Variants in GRB2 observed in about 807,000 individuals in gnomAD.
GRB2 encodes growth factor receptor bound protein 2, also known as growth factor receptor-bound protein 2.
A neutral mutation model predicts 27.4 loss-of-function variants in GRB2; 2 were observed. That is an observed-to-expected ratio of 0.07 (90% CI 0.03 to 0.23). The LOEUF is 0.23. Ranked by LOEUF, GRB2 falls within the 10% of genes least tolerant of loss-of-function variation. The pLI is 1.00. For synonymous variants in GRB2, 94 were observed against 99.6 expected (o/e 0.94, Z 0.33); for missense variants, 102 against 282.4 (o/e 0.36, Z 4.58).
chr17:75,336,807 G>A (rs903192404), intron 2 of GRB2, among the ~76,000 whole-genome samples: 1 of 151,932 alleles, frequency 6.6e-6, no homozygotes, highest in Non-Finnish European at 1.5e-5. Flanking sequence ...GCATGATCTC[G>A]GCTCACTGCA....
At chr17:75,404,552 T>C (rs1286861893) in intron 1 of GRB2, among the ~76,000 whole-genome samples, 2 of 51,776 alleles carry the variant, frequency 3.9e-5, no homozygotes, top group African/African-American at 1.7e-4. Flanking sequence ...AAGGGGGGGG[T>C]GGGGGGAGGA....
At chr17:75,366,043 A>G (rs2078816884) in intron 2 of GRB2, among the ~76,000 whole-genome samples, 1 of 152,162 alleles carries the variant, frequency 6.6e-6, no homozygotes, top group Non-Finnish European at 1.5e-5. Flanking sequence ...GCATTATTTT[A>G]ATAGCGGGAG....
chr17:75,358,253 GC>G (rs946187330), intron 2 of GRB2, among the ~76,000 whole-genome samples: 5 of 152,042 alleles, frequency 3.3e-5, no homozygotes, highest in Non-Finnish European at 7.4e-5. Context: ...GTGGCCACAA[GC>G]CCTGTTAAAA....
Position 75,393,635 on chromosome 17 carries a change from C to G in GRB2, c.-7G>C. 6.2e-7 allele frequency: 1 copy of G among 1,612,910 alleles called. No individual in the cohort carries two copies. Among genetic ancestry groups the G allele is most frequent in the Non-Finnish European group, 8.5e-7 (1 of 1,178,926 alleles). ...ATTTGGCGATGGCTTCCATTCTGAGCGCTGCTCAGTGCTCAGCAGCCTGAA... is the reference window on the plus strand; with the variant it reads ...ATTTGGCGATGGCTTCCATTCTGAGGGCTGCTCAGTGCTCAGCAGCCTGAA... On this transcript the variant is annotated 5_prime_UTR_variant, in exon 2 of 6. Transcript: ENST00000316804.
chr17:75,339,491 A>C (rs2078605999), intron 2 of GRB2, among the ~76,000 whole-genome samples: 1 of 151,946 alleles, frequency 6.6e-6, no homozygotes, highest in South Asian at 2.1e-4. Flanking sequence ...ATATATATGT[A>C]CAAGTCAATG....
At chr17:75,356,130 G>A (rs1226248819) in intron 2 of GRB2, among the ~76,000 whole-genome samples, 4 of 149,602 alleles carry the variant, frequency 2.7e-5, no homozygotes, top group Admixed American at 6.6e-5. Context: ...CACCGCACCT[G>A]GCCCTATCTA....
intron 2 of GRB2, chr17:75,387,451 T>TAAAAAAAAAA: frequency 7.3e-6 from 1 of 137,472 alleles, no homozygotes. Context: ...GACTCTGTCT[T>TAAAAAAAAAA]AAAAAAAAAA....
At chr17:75,351,911 C>T (rs754361485) in intron 2 of GRB2, among the ~76,000 whole-genome samples, 6 of 152,152 alleles carry the variant, frequency 3.9e-5, no homozygotes, top group African/African-American at 1.4e-4. Flanking sequence ...TCACTTATCA[C>T]GTATAGTTAC....
Position 75,373,948 on chromosome 17 carries a change from C to G in GRB2, c.78+19603G>C, listed in dbSNP as rs146800787. Among the ~76,000 whole-genome samples, 1,428 of 151,856 alleles carry G rather than the reference C, an allele frequency of 9.4e-3. 28 individuals carry two copies. The highest frequency in any genetic ancestry group is 0.048 in the South Asian group (231 of 4,810). Reference sequence around the variant, plus strand: ...AGCTGGGACTACAGGCGCCCGCCACCATGCCCGGCTAATTTTTTTTGCATT... The same window carrying G: ...AGCTGGGACTACAGGCGCCCGCCACGATGCCCGGCTAATTTTTTTTGCATT... On this transcript the variant is annotated intron_variant, in intron 2 of 5. Coordinates refer to ENST00000316804, the MANE Select transcript of GRB2 (RefSeq NM_002086.5).
At chr17:75,369,007 T>C in intron 2 of GRB2, among the ~76,000 whole-genome samples, 1 of 152,134 alleles carries the variant, frequency 6.6e-6, no homozygotes, top group Non-Finnish European at 1.5e-5. Flanking sequence ...ATTTTTCCAG[T>C]GAGGAAATTG....
intron 1 of GRB2, among the ~76,000 whole-genome samples, chr17:75,394,544 A>C (rs1344032672): frequency 6.6e-6 from 1 of 152,178 alleles, no homozygotes; most frequent in African/African-American, 2.4e-5. Context: ...TGGGGTCCCC[A>C]CCAGGAATGA....
At chr17:75,349,369 C>T in intron 2 of GRB2, among the ~76,000 whole-genome samples, 1 of 152,286 alleles carries the variant, frequency 6.6e-6, no homozygotes, top group South Asian at 2.1e-4. Context: ...ACAGATAAGA[C>T]AAGCTGTCCT....
At chr17:75,376,940 T>C (rs2078897728) in intron 2 of GRB2, among the ~76,000 whole-genome samples, 1 of 151,814 alleles carries the variant, frequency 6.6e-6, no homozygotes, top group African/African-American at 2.4e-5. Context: ...GAGCCTGGAA[T>C]GTTGGGGCTG....
At chr17:75,365,326 C>T (rs549636071) in intron 2 of GRB2, among the ~76,000 whole-genome samples, 33 of 152,260 alleles carry the variant, frequency 2.2e-4, no homozygotes, top group African/African-American at 7.5e-4. Context: ...AACCCCGAAA[C>T]CTCTAAATTA....
intron 2 of GRB2, among the ~76,000 whole-genome samples, chr17:75,392,672 C>T (rs984950056): frequency 6.6e-6 from 1 of 152,170 alleles, no homozygotes; most frequent in African/African-American, 2.4e-5. Flanking sequence ...ACAGGGAACA[C>T]TCAAACATGA....
At chr17:75,366,669 G>C (rs2078822068) in intron 2 of GRB2, among the ~76,000 whole-genome samples, 1 of 152,018 alleles carries the variant, frequency 6.6e-6, no homozygotes. Context: ...AATTAGCCGG[G>C]TGTGGTAGTG....
At chr17:75,350,522 C>T (rs1429464621) in intron 2 of GRB2, among the ~76,000 whole-genome samples, 1 of 152,194 alleles carries the variant, frequency 6.6e-6, no homozygotes, top group Middle Eastern at 3.4e-3. Flanking sequence ...GACGGAGTCT[C>T]GCTCTGTTGC....
chr17:75,336,628 TC>T (rs1489774344), intron 2 of GRB2, among the ~76,000 whole-genome samples: 1 of 152,196 alleles, frequency 6.6e-6, no homozygotes, highest in Non-Finnish European at 1.5e-5. Flanking sequence ...AGATTTGACA[TC>T]AACTTAGAAC....
intron 3 of GRB2, among the ~76,000 whole-genome samples, chr17:75,330,282 G>C (rs9896662): frequency 0.6 from 90,454 of 151,702 alleles, 31,658 homozygotes; most frequent in East Asian, 0.87. Flanking sequence ...CTCAGGAGGT[G>C]GAGGCAGGAG....
Sources: gnomAD v4.1 joint callset for allele counts (sites outside exome capture counted in the v4.1 genomes callset) on GRCh38, gnomAD v4.1.1 for gene constraint, MANE v1.5 for transcripts, NCBI Gene and HGNC (gene_info 2026-07-23, HGNC 2026-07-21) for gene names.